ZFPM2: variants seen among roughly 807,000 people sequenced by gnomAD.
ZFPM2 encodes the protein zinc finger protein, FOG family member 2.
A neutral mutation model predicts 98.6 loss-of-function variants in ZFPM2; 20 were observed. The ratio of observed to expected loss-of-function variants is 0.20; its 90% CI spans 0.14 to 0.29. ZFPM2 has a LOEUF of 0.29. Among genes scored for constraint, ZFPM2 ranks in the 10% least tolerant of loss-of-function variants. The pLI is 1.00. For missense variants in ZFPM2, 1,310 were observed against 1,388.6 expected (o/e 0.94, Z 0.90); for synonymous variants, 518 against 502.7 (o/e 1.03, Z -0.41).
At chr8:105,524,933 A>G (rs1447480879) in intron 3 of ZFPM2, among the ~76,000 whole-genome samples, 3 of 152,064 alleles carry the variant, frequency 2.0e-5, no homozygotes, top group African/African-American at 4.8e-5. Flanking sequence ...TAAATGATGC[A>G]TTTTGTTCTT....
intron 2 of ZFPM2, among the ~76,000 whole-genome samples, chr8:105,423,432 A>T (rs1811843433): frequency 6.6e-6 from 1 of 152,222 alleles, no homozygotes. Context: ...GATTTTAAAC[A>T]TTTTAACAAA....
intron 3 of ZFPM2, among the ~76,000 whole-genome samples, chr8:105,560,696 A>G (rs1483492109): frequency 6.6e-6 from 1 of 150,942 alleles, no homozygotes; most frequent in African/African-American, 2.4e-5. Context: ...TACTGTCTTT[A>G]CTTCCTATTT....
intron 1 of ZFPM2, among the ~76,000 whole-genome samples, chr8:105,330,351 T>C (rs896585085): frequency 1.3e-5 from 2 of 150,930 alleles, no homozygotes; most frequent in Non-Finnish European, 3.0e-5. Context: ...ATAGTATAAG[T>C]GGAATATTGC....
At chr8:105,380,089 G>A (rs1266383092) in intron 1 of ZFPM2, among the ~76,000 whole-genome samples, 2 of 152,200 alleles carry the variant, frequency 1.3e-5, no homozygotes, top group African/African-American at 4.8e-5. Context: ...TTCCTATTTC[G>A]TTAGCTTTCT....
chr8:105,649,681 A>G (rs147008077), intron 5 of ZFPM2, among the ~76,000 whole-genome samples: 14,824 of 152,206 alleles, frequency 0.097, 933 homozygotes, highest in Middle Eastern at 0.19. Flanking sequence ...GCTGGATTAC[A>G]TTTATTGATT....
Position 105,569,795 on chromosome 8 carries a change from G to A in ZFPM2, c.420+8314G>A, listed in dbSNP as rs1459117801. Among the ~76,000 whole-genome samples, 11 of 152,200 alleles carry A rather than the reference G, an allele frequency of 7.2e-5. No homozygotes were observed. The East Asian group carries it at 1.6e-3, about 22-fold the overall frequency. The stretch of plus-strand genomic sequence containing the variant: ...TGTGAAGTCTCATCCAGCCTCACAC[G>A]TTCCAGTGACAAACCATCTGGGAAA... On this transcript the variant is annotated intron_variant, in intron 4 of 7. Coordinates refer to ENST00000407775, the MANE Select transcript of ZFPM2 (RefSeq NM_012082.4).
intron 3 of ZFPM2, among the ~76,000 whole-genome samples, chr8:105,524,097 A>G (rs1814119719): frequency 6.6e-6 from 1 of 152,202 alleles, no homozygotes; most frequent in Admixed American, 6.6e-5. Flanking sequence ...TTAAGTATCA[A>G]CTATTAATAT....
chr8:105,503,743 C>T (rs529588596), intron 3 of ZFPM2, among the ~76,000 whole-genome samples: 1 of 152,296 alleles, frequency 6.6e-6, no homozygotes, highest in Non-Finnish European at 1.5e-5. Context: ...GTACTATTTA[C>T]TCACATTGAT....
intron 1 of ZFPM2, among the ~76,000 whole-genome samples, chr8:105,330,621 T>TATATACAC (rs1554595032): frequency 5.6e-4 from 59 of 104,600 alleles, no homozygotes; most frequent in East Asian, 2.3e-3. Context: ...CACATATATA[T>TATATACAC]ATATATATAT....
chr8:105,768,017 A>C (rs1812893626), intron 5 of ZFPM2, among the ~76,000 whole-genome samples: 1 of 151,852 alleles, frequency 6.6e-6, no homozygotes, highest in African/African-American at 2.4e-5. Context: ...ATCTCCAGTT[A>C]AATGTGCAAT....
intron 4 of ZFPM2, among the ~76,000 whole-genome samples, chr8:105,595,582 A>T (rs1327345363): frequency 6.6e-6 from 1 of 152,164 alleles, no homozygotes; most frequent in Non-Finnish European, 1.5e-5. Flanking sequence ...ATACAAAGTC[A>T]TGAAAGCATG....
chr8:105,719,155 A>G (rs1457340726), intron 5 of ZFPM2, among the ~76,000 whole-genome samples: 3 of 151,950 alleles, frequency 2.0e-5, no homozygotes, highest in Non-Finnish European at 4.4e-5. Flanking sequence ...ATCATCTGCA[A>G]GGCTTACACA....
Position 105,673,773 on chromosome 8 carries a change from C to T in ZFPM2, c.532+39416C>T, listed in dbSNP as rs575493305. 1.4e-4 allele frequency among the ~76,000 whole-genome samples: 21 copies of T among 152,268 alleles called. No homozygotes were observed. In the South Asian group the frequency reaches 3.7e-3, roughly 27 times the overall value. ...TCCCTTAACTGAAAGCCACTTCTTTCTGAGCCTTATTCTATTGCTCTTAAT... is the reference window on the plus strand; with the variant it reads ...TCCCTTAACTGAAAGCCACTTCTTTTTGAGCCTTATTCTATTGCTCTTAAT... On this transcript the variant is annotated intron_variant, in intron 5 of 7. Coordinates refer to ENST00000407775, the MANE Select transcript of ZFPM2 (RefSeq NM_012082.4).
intron 1 of ZFPM2, among the ~76,000 whole-genome samples, chr8:105,382,894 C>T (rs10955393): frequency 0.56 from 84,796 of 151,774 alleles, 23,915 homozygotes; most frequent in Middle Eastern, 0.6. Context: ...ACGATGATGA[C>T]GAGTGGAACA....
intron 5 of ZFPM2, among the ~76,000 whole-genome samples, chr8:105,682,278 G>A (rs1394771964): frequency 2.6e-5 from 4 of 152,108 alleles, no homozygotes; most frequent in African/African-American, 7.2e-5. Context: ...TTCCAGAAAG[G>A]CATCATCATT....
At chr8:105,735,375 A>C (rs545443868) in intron 5 of ZFPM2, among the ~76,000 whole-genome samples, 1 of 151,722 alleles carries the variant, frequency 6.6e-6, no homozygotes, top group East Asian at 1.9e-4. Flanking sequence ...TTGATTTTTT[A>C]AGGTTGGTGA....
intron 3 of ZFPM2, among the ~76,000 whole-genome samples, chr8:105,454,930 G>T (rs923058206): frequency 6.6e-6 from 1 of 152,170 alleles, no homozygotes; most frequent in East Asian, 1.9e-4. Flanking sequence ...ATGATAAAAT[G>T]TCAGAGGTTC....
chr8:105,455,502 T>C (rs1463235928), intron 3 of ZFPM2, among the ~76,000 whole-genome samples: 1 of 152,152 alleles, frequency 6.6e-6, no homozygotes, highest in Non-Finnish European at 1.5e-5. Context: ...TTCAGTGCCT[T>C]GTAGTCTGTA....
At chr8:105,700,912 A>C (rs1811127251) in intron 5 of ZFPM2, among the ~76,000 whole-genome samples, 1 of 152,100 alleles carries the variant, frequency 6.6e-6, no homozygotes, top group African/African-American at 2.4e-5. Flanking sequence ...TTCTAATATG[A>C]CACCACATTT....
Sources: gnomAD v4.1 joint callset for allele counts (sites outside exome capture counted in the v4.1 genomes callset) on GRCh38, gnomAD v4.1.1 for gene constraint, MANE v1.5 for transcripts, NCBI Gene and HGNC (gene_info 2026-07-23, HGNC 2026-07-21) for gene names.